The following ZCCHC14 variants were observed in gnomAD, a reference collection of about 807,000 sequenced individuals.
The protein encoded by ZCCHC14 is zinc finger CCHC domain-containing protein 14.
A neutral mutation model predicts 85.0 loss-of-function variants in ZCCHC14; 16 were observed. That is an observed-to-expected ratio of 0.19 (90% CI 0.13 to 0.29). The LOEUF is 0.29. ZCCHC14 is among the 10% of genes least tolerant of loss of function. The probability of loss-of-function intolerance (pLI) is 1.00; values close to 1 mark genes in which losing one functional copy is unlikely to be tolerated. For synonymous variants in ZCCHC14, 775 were observed against 630.7 expected (o/e 1.23, Z -3.43); for missense variants, 1,303 against 1,443.5 (o/e 0.90, Z 1.58).
intron 3 of ZCCHC14, among the ~76,000 whole-genome samples, chr16:87,424,105 A>G (rs1367150013): frequency 1.3e-5 from 2 of 152,174 alleles, no homozygotes; most frequent in Non-Finnish European, 2.9e-5. Flanking sequence ...AATTATTCAG[A>G]TATCACCAAA....
At chr16:87,444,933 T>C (rs1340109751) in intron 2 of ZCCHC14, among the ~76,000 whole-genome samples, 2 of 152,216 alleles carry the variant, frequency 1.3e-5, no homozygotes, top group Non-Finnish European at 2.9e-5. Flanking sequence ...GTACTTATTG[T>C]TTGCAGAAAA....
intron 3 of ZCCHC14, among the ~76,000 whole-genome samples, chr16:87,429,598 G>C (rs139694171): frequency 6.6e-6 from 1 of 152,070 alleles, no homozygotes; most frequent in South Asian, 2.1e-4. Context: ...CTGGGTGACA[G>C]AAGGAGACAC....
chr16:87,491,583 G>A lies in ZCCHC14; in HGVS notation c.570+86C>T. On this transcript the variant is annotated intron_variant, in intron 1 of 12. Coordinates refer to ENST00000671377, the MANE Select transcript of ZCCHC14 (RefSeq NM_015144.3). The surrounding 1 kb of genome is among the most constrained non-coding windows in gnomAD (Gnocchi z 5.9). ...GTGCAGGCTGGAGGCGTGGGTCGGG[G>A]GGTCGCGGTGCAGGCTGGAGGCTTG... 2.4e-6 allele frequency: 3 copies of A among 1,243,416 alleles called. No individual in the cohort carries two copies. Among genetic ancestry groups the A allele is most frequent in the South Asian group, 2.0e-5 (1 of 50,360 alleles). 77.0% of individuals were successfully genotyped at this position (1,243,416 alleles called of 1,614,324 possible).
intron 1 of ZCCHC14, 54 bp from the exon 2 acceptor site, chr16:87,460,185 A>T (rs1911190158): frequency 1.3e-6 from 2 of 1,581,694 alleles, no homozygotes; most frequent in East Asian, 2.3e-5. Flanking sequence ...TTAATAGGGG[A>T]CAATTTTATT....
chr16:87,453,096 A>G (rs1263411235), intron 2 of ZCCHC14, among the ~76,000 whole-genome samples: 1 of 152,202 alleles, frequency 6.6e-6, no homozygotes, highest in African/African-American at 2.4e-5. Context: ...AAGCTGGAAG[A>G]TGGAACGCTG....
intron 1 of ZCCHC14, among the ~76,000 whole-genome samples, chr16:87,465,020 C>T (rs1911454142): frequency 6.6e-6 from 1 of 152,254 alleles, no homozygotes; most frequent in South Asian, 2.1e-4. Context: ...CAAAAACCCT[C>T]TGCCTGGCCC....
At chr16:87,458,441 T>C (rs1323996541) in intron 2 of ZCCHC14, among the ~76,000 whole-genome samples, 1 of 152,180 alleles carries the variant, frequency 6.6e-6, no homozygotes, top group Admixed American at 6.5e-5. Flanking sequence ...AGACAAAGAC[T>C]GTTGCGACCT....
intron 2 of ZCCHC14, among the ~76,000 whole-genome samples, chr16:87,446,552 G>C (rs1261478147): frequency 6.6e-6 from 1 of 152,018 alleles, no homozygotes; most frequent in African/African-American, 2.4e-5. Flanking sequence ...GAATTACCTG[G>C]CCCTTTACAG....
rs773827065 is a variant in ZCCHC14 at position 87,414,517 on chromosome 16, C to A, written c.1500G>T (p.Leu500=). Residue 500 remains leucine, a synonymous_variant, in exon 10 of 13, where the codon CTG becomes CTT. Transcript: ENST00000671377. ...TGACCAGCGGCGGGGCCGAGGGGTT[C>A]AGGCACCGTCTCTCTGACTTCTCCC... is the stretch of plus-strand genomic sequence containing the variant. ...LEKEKSERRC[L]NPSAPPLVTS... The A allele has an allele frequency of 6.2e-7, 1 of 1,612,326 alleles. No individual in the cohort carries two copies.
intron 1 of ZCCHC14, chr16:87,467,590 G>C: frequency 7.1e-7 from 1 of 1,399,990 alleles, no homozygotes; most frequent in Non-Finnish European, 1.0e-6. Context: ...AATTGGAATA[G>C]GTGTCAAGGA....
At chr16:87,485,012 G>A (rs935134465) in intron 1 of ZCCHC14, among the ~76,000 whole-genome samples, 1 of 152,160 alleles carries the variant, frequency 6.6e-6, no homozygotes, top group Admixed American at 6.5e-5. Flanking sequence ...AACTAAGGAG[G>A]TGTCCAGGCC....
chr16:87,426,448 T>C (rs754575283), intron 3 of ZCCHC14, among the ~76,000 whole-genome samples: 5 of 152,232 alleles, frequency 3.3e-5, no homozygotes, highest in Non-Finnish European at 5.9e-5. Context: ...TCTGGACGAA[T>C]TGTAATGCAT....
intron 2 of ZCCHC14, among the ~76,000 whole-genome samples, chr16:87,454,124 G>A (rs1910839189): frequency 1.3e-5 from 2 of 152,052 alleles, no homozygotes; most frequent in South Asian, 2.1e-4. Flanking sequence ...GAGAGAGAGA[G>A]AAGAATTTGA....
rs539170699 is a variant in ZCCHC14 at position 87,491,852 on chromosome 16, G to C, written c.387C>G (p.Gly129=). ...TGGTGAACAGCAGCAGGAACTCATC[G>C]CCCGTGCGGCCCTCGTTAAGCTGCA... ...YGLQLNEGRT[G]DEFLLLFTMA... is the part of the protein sequence containing the mutation. Residue 129 remains glycine (G), a synonymous_variant, in exon 1 of 13, where the codon GGC becomes GGG. Coordinates refer to ENST00000671377, the MANE Select transcript of ZCCHC14 (RefSeq NM_015144.3). This position sits in a 1 kb window ranked among gnomAD's most constrained non-coding sequence, Gnocchi z 5.9. 1 of 1,564,470 alleles carries C rather than the reference G, an allele frequency of 6.4e-7. No homozygotes were observed. The highest frequency in any genetic ancestry group is 1.2e-5 in the South Asian group (1 of 84,844).
chr16:87,423,262 C>G, intron 4 of ZCCHC14, among the ~76,000 whole-genome samples: 1 of 152,104 alleles, frequency 6.6e-6, no homozygotes, highest in East Asian at 1.9e-4. Flanking sequence ...ATCTGCTGAA[C>G]CAGATATTTG....
Position 87,412,881 on chromosome 16 carries a change from G to A in ZCCHC14, c.1840C>T (p.Leu614Phe), listed in dbSNP as rs780619131. 2 of 1,605,646 alleles carry A rather than the reference G, an allele frequency of 1.2e-6. No individual in the cohort carries two copies. Among genetic ancestry groups the A allele is most frequent in the African/African-American group, 1.3e-5 (1 of 74,926 alleles). The change falls in exon 12 of 13, where the codon CTC becomes TTC. Residue 614 changes from leucine (L) to phenylalanine (F), a missense_variant. By Grantham distance (22) the Leu-to-Phe change is conservative. Coordinates refer to ENST00000671377, the MANE Select transcript of ZCCHC14 (RefSeq NM_015144.3). ...SSSARPTAQV[L>F]PVQNEASSNP... ...GAGCTGGCCTCATTCTGCACAGGGA[G>A]AACCTGGGCCGTGGGTCTGGCGGAA...
chr16:87,478,501 T>C (rs118010546), intron 1 of ZCCHC14, among the ~76,000 whole-genome samples: 2,539 of 152,292 alleles, frequency 0.017, 25 homozygotes, highest in Middle Eastern at 0.048. Flanking sequence ...AGAGGTGGTG[T>C]GCAAGTTCTG....
chr16:87,461,676 TCAGA>T (rs1426386824), intron 1 of ZCCHC14, among the ~76,000 whole-genome samples: 2 of 152,170 alleles, frequency 1.3e-5, no homozygotes, highest in African/African-American at 4.8e-5. Flanking sequence ...GGCCTCGACC[TCAGA>T]CAGGATGAAA....
intron 3 of ZCCHC14, 25 bp from the exon 4 acceptor site, chr16:87,423,906 C>A: frequency 6.2e-7 from 1 of 1,611,734 alleles, no homozygotes; most frequent in Non-Finnish European, 8.5e-7. Flanking sequence ...AACAAACAAA[C>A]CTTAGAAACA....
Sources: allele counts gnomAD v4.1 joint callset (sites outside exome capture counted in the v4.1 genomes callset), GRCh38; gene constraint gnomAD v4.1.1; non-coding constraint Gnocchi (gnomAD v3.1); transcripts MANE v1.5; gene names NCBI Gene and HGNC (gene_info 2026-07-23, HGNC 2026-07-21).